Variants in ZNF134 observed in about 807,000 individuals in gnomAD.
ZNF134 encodes the protein zinc finger protein 134 (clone pHZ-15).
Under a neutral mutation model 2.5 loss-of-function variants are expected in ZNF134, and 5 were observed. The observed-to-expected ratio is 2.03, with a 90% CI of 1.06 to 4.27. ZNF134 has a LOEUF of 4.27. Among genes scored for constraint, ZNF134 ranks in the 30% most tolerant of loss-of-function variants. ZNF134 has a pLI of 0.00. For missense variants in ZNF134, 540 were observed against 517.5 expected, an observed-to-expected ratio of 1.04 and a Z score of -0.42; for synonymous variants, 176 against 176.2, an observed-to-expected ratio of 1.00 and a Z score of 0.01.
intron 1 of ZNF134, 150 bp from the exon 2 acceptor site, chr19:57,619,262 C>T: frequency 1.6e-6 from 1 of 639,638 alleles, no homozygotes; most frequent in East Asian, 2.8e-5. Context: ...ATCATGGTCA[C>T]CACTTGTGGG....
chr19:57,620,290 C>T lies in ZNF134; in HGVS notation c.171C>T (p.Pro57=). Residue 57 remains proline (P), a synonymous_variant, in exon 3 of 3, where the codon CCC becomes CCT. Coordinates refer to ENST00000396161, the MANE Select transcript of ZNF134 (RefSeq NM_003435.5). ...QTALPCDICG[P]ILKDILHLDE... ...CTCTCCCTTGTGACATATGTGGCCC[C>T]ATCTTGAAAGATATTTTGCACCTGG... is the stretch of plus-strand genomic sequence containing the variant. 6.2e-7 allele frequency: 1 copy of T among 1,614,210 alleles called. No individual in the cohort carries two copies. Among genetic ancestry groups the T allele is most frequent in the Admixed American group, 1.7e-5 (1 of 60,034 alleles).
In ZNF134 at chr19:57,621,572, C is replaced by G. The variant is rs1981223066; in HGVS notation, c.*169C>G. ...TTGCCAGAGTTATGTCACTGTCAAT[C>G]CATGTGGCCGAAACCATCTTAACTC... On this transcript the variant is annotated 3_prime_UTR_variant, in exon 3 of 3. Coordinates refer to ENST00000396161, the MANE Select transcript of ZNF134 (RefSeq NM_003435.5). 9.7e-7 allele frequency: 1 copy of G among 1,032,268 alleles called. No individual in the cohort carries two copies. The highest frequency in any genetic ancestry group is 1.7e-5 in the Admixed American group (1 of 59,248). 63.9% of individuals were successfully genotyped at this position (1,032,268 alleles called of 1,614,324 possible).
chr19:57,620,616 G>A lies in ZNF134; in HGVS notation c.497G>A (p.Gly166Glu), dbSNP rs376324721. The stretch of plus-strand genomic sequence containing the variant: ...AAGACACACAGGAGCACTGAGAGTG[G>A]GGATGCATTTCATGGTGAACAAATG... ...KRKTHRSTES[G>E]DAFHGEQMHY... Residue 166 changes from glycine (G) to glutamate (E), a missense_variant, in exon 3 of 3, where the codon GGG (glycine) becomes GAG (glutamate). Coordinates refer to ENST00000396161, the MANE Select transcript of ZNF134 (RefSeq NM_003435.5). 17 of 1,614,200 alleles carry A rather than the reference G, an allele frequency of 1.1e-5. No individual in the cohort carries two copies. The highest frequency in any genetic ancestry group is 1.4e-5 in the Non-Finnish European group (17 of 1,180,044).
rs1377748600 is a variant in ZNF134, at chr19:57,621,131, C to A, written c.1012C>A (p.His338Asn). 1 of 1,614,110 alleles carries A rather than the reference C, an allele frequency of 6.2e-7. No individual in the cohort carries two copies. Among genetic ancestry groups the A allele is most frequent in the African/African-American group, 1.3e-5 (1 of 74,946 alleles). Reference sequence around the variant, plus strand: ...CACCCTCATTAAACATCAGCGAATTCACACTGAGTCAAAGCCGTTTGAGTG... The same window carrying A: ...CACCCTCATTAAACATCAGCGAATTAACACTGAGTCAAAGCCGTTTGAGTG... The part of the protein sequence containing the change: ...KYTLIKHQRI[H>N]TESKPFECIE... The change falls in exon 3 of 3, where the codon CAC (histidine) becomes AAC (asparagine). Residue 338 changes from histidine to asparagine, a missense_variant. Physicochemically the swap from His to Asn is moderately conservative, Grantham distance 68. Transcript: ENST00000396161.
At chr19:57,616,455 A>G (rs1225885834) in intron 1 of ZNF134, among the ~76,000 whole-genome samples, 2 of 152,254 alleles carry the variant, frequency 1.3e-5, no homozygotes, top group Non-Finnish European at 1.5e-5. Context: ...GTTCATTTGC[A>G]TGGATAGTAG....
chr19:57,616,768 G>A (rs1981062373), intron 1 of ZNF134, among the ~76,000 whole-genome samples: 1 of 152,212 alleles, frequency 6.6e-6, no homozygotes, highest in Non-Finnish European at 1.5e-5. Context: ...TGCCATGGTG[G>A]CAGAAACTTA....
At position 57,620,396 on chromosome 19, in the gene ZNF134, C is replaced by A; in HGVS notation, c.277C>A (p.Leu93Ile). The A allele has an allele frequency of 6.2e-7, 1 of 1,614,126 alleles. No homozygotes were observed. The highest frequency in any genetic ancestry group is 2.2e-5 in the East Asian group (1 of 44,886). Reference sequence around the variant, plus strand: ...GAGACAATTCTGGTTCAGTGCAAACCTTCATCAGTACCAGAAGTGTTACAG... The same window carrying A: ...GAGACAATTCTGGTTCAGTGCAAACATTCATCAGTACCAGAAGTGTTACAG... ...CGRQFWFSAN[L>I]HQYQKCYSIE... The change falls in exon 3 of 3, where the codon CTT (leucine) becomes ATT (isoleucine). Residue 93 changes from leucine to isoleucine, a missense_variant. Physicochemically the swap from Leu to Ile is conservative, Grantham distance 5. Coordinates refer to ENST00000396161, the MANE Select transcript of ZNF134 (RefSeq NM_003435.5).
chr19:57,615,497 C>T (rs1472829313), intron 1 of ZNF134, among the ~76,000 whole-genome samples: 1 of 151,890 alleles, frequency 6.6e-6, no homozygotes, highest in East Asian at 1.9e-4. Context: ...CTTGGTGCTG[C>T]AAAGTGAAAC....
At chr19:57,619,368 C>A in intron 1 of ZNF134, 44 bp from the exon 2 acceptor site, 1 of 1,455,444 alleles carries the variant, frequency 6.9e-7, no homozygotes, top group Non-Finnish European at 9.4e-7. Flanking sequence ...CTGGCTAGTG[C>A]TCTCAGCCTG....
intron 1 of ZNF134, chr19:57,618,750 G>T (rs559997318): frequency 1.3e-5 from 2 of 152,638 alleles, no homozygotes; most frequent in African/African-American, 4.8e-5. Context: ...CCTCACACAG[G>T]GCTATGTGAC....
chr19:57,620,542 C>T lies in ZNF134; in HGVS notation c.423C>T (p.Phe141=). Residue 141 remains phenylalanine (F), a synonymous_variant, in exon 3 of 3, where the codon TTC becomes TTT. Transcript: ENST00000396161. ...CGTGTAAGGAGGAGCAGAAAAACTTCCAGGCTACTTTGGGTGGCTGCCAAC... is the reference window on the plus strand; with the variant it reads ...CGTGTAAGGAGGAGCAGAAAAACTTTCAGGCTACTTTGGGTGGCTGCCAAC... ...PFTCKEEQKN[F]QATLGGCQQK... is the part of the protein sequence containing the mutation. The T allele has an allele frequency of 6.2e-7, 1 of 1,614,206 alleles. No individual in the cohort carries two copies. The highest frequency in any genetic ancestry group is 8.5e-7 in the Non-Finnish European group (1 of 1,180,032).
chr19:57,617,893 G>A (rs993342276), intron 1 of ZNF134, among the ~76,000 whole-genome samples: 6 of 152,198 alleles, frequency 3.9e-5, no homozygotes, highest in Non-Finnish European at 8.8e-5. Flanking sequence ...GATGTGAGGT[G>A]AAGTACTGTA....
At position 57,614,371 on chromosome 19, in the gene ZNF134, C is replaced by G. The variant is rs1006413289; in HGVS notation, c.-190C>G. 2.2e-6 allele frequency: 1 copy of G among 454,030 alleles called. No homozygotes were observed. Among genetic ancestry groups the G allele is most frequent in the African/African-American group, 2.0e-5 (1 of 49,888 alleles). 28.1% of individuals were successfully genotyped at this position (454,030 alleles called of 1,614,324 possible). A position where few individuals can be genotyped will look rare whatever the true frequency, so the allele number is the denominator to read the frequency against. ...CTGTTCGCTCTGCGGAGTGGCTCGC[C>G]AGCGAAGACCCCGCCTGCGCCCCCG... On this transcript the variant is annotated 5_prime_UTR_variant, in exon 1 of 3. Coordinates refer to ENST00000396161, the MANE Select transcript of ZNF134 (RefSeq NM_003435.5).
chr19:57,615,664 T>C (rs902294761), intron 1 of ZNF134, among the ~76,000 whole-genome samples: 3 of 152,162 alleles, frequency 2.0e-5, no homozygotes, highest in African/African-American at 7.2e-5. Context: ...CACTCCCCCA[T>C]GGGCTGGGGT....
Position 57,621,360 on chromosome 19 carries a change from AC to A in ZNF134, c.1243del (p.Leu415SerfsTer50), listed in dbSNP as rs1185190977. 1.2e-5 allele frequency: 19 copies of A among 1,613,962 alleles called. No homozygotes were observed. The highest frequency in any genetic ancestry group is 1.6e-5 in the Non-Finnish European group (19 of 1,180,022). Reference sequence around the variant, plus strand: ...GGGAAGGCCTACAGCTTAAGCTCCCACCTCAATCGGCACCAGAAAGTTCACA... The same window carrying A: ...GGGAAGGCCTACAGCTTAAGCTCCCACTCAATCGGCACCAGAAAGTTCACA... ...ECGKAYSLSS[H>X]LNRHQKVHTA... is the part of the protein sequence containing the mutation. On this transcript the variant is annotated frameshift_variant, in exon 3 of 3. Coordinates refer to ENST00000396161, the MANE Select transcript of ZNF134 (RefSeq NM_003435.5). LOFTEE classifies it low-confidence loss of function (END_TRUNC).
At position 57,624,547 on chromosome 19, in the gene ZNF134, A is replaced by C. The variant is rs1981323461; in HGVS notation, c.*3144A>C. Reference sequence around the variant, plus strand: ...AAATAAGGGAGGAGGGGTGGTAATCAGGGGTCCCTGAAATCCCCTCTTTTC... The same window carrying C: ...AAATAAGGGAGGAGGGGTGGTAATCCGGGGTCCCTGAAATCCCCTCTTTTC... On this transcript the variant is annotated 3_prime_UTR_variant, in exon 3 of 3. Transcript: ENST00000396161. 1 of 152,236 alleles carries C rather than the reference A, an allele frequency of 6.6e-6. No individual in the cohort carries two copies. The highest frequency in any genetic ancestry group is 6.5e-5 in the Admixed American group (1 of 15,280). The allele number at this position is 152,236 out of a possible 1,614,324, so 9.4% of individuals were successfully genotyped here. A position where few individuals can be genotyped will look rare whatever the true frequency, so the allele number is the denominator to read the frequency against.
In ZNF134 at chr19:57,619,583, C is replaced by A. The variant is rs1379828989; in HGVS notation, c.40+75C>A. 4 of 1,471,590 alleles carry A rather than the reference C, an allele frequency of 2.7e-6. No individual in the cohort carries two copies. In the East Asian group the frequency reaches 7.4e-5, roughly 27 times the overall value. 91.2% of individuals were successfully genotyped at this position (1,471,590 alleles called of 1,614,324 possible). ...TTCCGGAAACCTATGTTGTGCCCAT[C>A]ACAAGTGCCAAGGCCAGAGGCCCTA... On this transcript the variant is annotated intron_variant, in intron 2 of 2. Coordinates refer to ENST00000396161, the MANE Select transcript of ZNF134 (RefSeq NM_003435.5).
At chr19:57,614,984 C>G (rs1006142040) in intron 1 of ZNF134, among the ~76,000 whole-genome samples, 2 of 152,110 alleles carry the variant, frequency 1.3e-5, no homozygotes, top group Admixed American at 6.6e-5. Flanking sequence ...GTGGGGAAGT[C>G]ATGAGATTCT....
Position 57,614,330 on chromosome 19 carries a change from G to A in ZNF134, c.-231G>A. The A allele has an allele frequency of 2.2e-6, 1 of 454,608 alleles. No homozygotes were observed. The highest frequency in any genetic ancestry group is 1.6e-5 in the South Asian group (1 of 64,362). 28.2% of individuals were successfully genotyped at this position (454,608 alleles called of 1,614,324 possible). On this transcript the variant is annotated 5_prime_UTR_variant, in exon 1 of 3. Transcript: ENST00000396161. ...GGTTCCGAGGTGACGGAAGCGGGAG[G>A]GTGCGGGAGAAGTCGCTGTTCGCTC... is the stretch of plus-strand genomic sequence containing the variant.
Sources: allele counts gnomAD v4.1 joint callset (sites outside exome capture counted in the v4.1 genomes callset), GRCh38; gene constraint gnomAD v4.1.1; transcripts MANE v1.5; gene names NCBI Gene and HGNC (gene_info 2026-07-23, HGNC 2026-07-21).